Variants in EPPIN observed in about 807,000 individuals in gnomAD.
EPPIN encodes the protein epididymal peptidase inhibitor, also known as WAP four-disulfide core domain protein 7.
Under a neutral mutation model 18.8 loss-of-function variants are expected in EPPIN, and 14 were observed. That is an observed-to-expected ratio of 0.75 (90% confidence interval 0.49 to 1.17). The LOEUF (loss-of-function observed/expected upper bound fraction) is 1.17. Ranked by LOEUF, EPPIN falls within the 50% of genes most tolerant of loss-of-function variation. EPPIN has a pLI of 0.00. For missense variants in EPPIN, 143 were observed against 154.2 expected, an observed-to-expected ratio of 0.93 and a Z score of 0.39; for synonymous variants, 57 against 54.8, an observed-to-expected ratio of 1.04 and a Z score of -0.18.
At chr20:45,545,492 G>T in intron 2 of EPPIN, 147 bp downstream of exon 2, 1 of 1,379,500 alleles carries the variant, frequency 7.2e-7, no homozygotes, top group Non-Finnish European at 1.0e-6. Flanking sequence ...ATTTGGCACA[G>T]TAATGAATCT....
intron 2 of EPPIN, 157 bp downstream of exon 2, chr20:45,545,482 A>G: frequency 7.8e-7 from 1 of 1,278,106 alleles, no homozygotes; most frequent in East Asian, 2.4e-5. Context: ...CACACACCAT[A>G]TTTGGCACAG....
chr20:45,545,321 C>T (rs1275471611), intron 2 of EPPIN: 3 of 360,382 alleles, frequency 8.3e-6, no homozygotes, highest in African/African-American at 2.1e-5. Context: ...GTTAGGGCAA[C>T]GATGGCCACC....
At chr20:45,542,551 G>T (rs1979641106) in intron 3 of EPPIN, 149 bp downstream of exon 3, 3 of 1,203,040 alleles carry the variant, frequency 2.5e-6, no homozygotes, top group Admixed American at 2.6e-5. Flanking sequence ...CTTGCCTTTT[G>T]CCAGGTGCAT....
Position 45,542,859 on chromosome 20 carries a change from C to G in EPPIN, c.232G>C (p.Glu78Gln). The G allele has an allele frequency of 6.2e-7, 1 of 1,612,848 alleles. No individual in the cohort carries two copies. Among genetic ancestry groups the G allele is most frequent in the Non-Finnish European group, 8.5e-7 (1 of 1,179,398 alleles). ...CAGGGGCCAGTTTCTTTTGGCATTTCGCATACATCTGCAGAGAGACTCCAG... is the reference window on the plus strand; with the variant it reads ...CAGGGGCCAGTTTCTTTTGGCATTTGGCATACATCTGCAGAGAGACTCCAG... ...KCLDLKQDVC[E>Q]MPKETGPCLA... The change falls in exon 3 of 4, where the codon GAA becomes CAA. Residue 78 changes from glutamate (E) to glutamine (Q), a missense_variant. By Grantham distance (29) the Glu-to-Gln change is conservative. Coordinates refer to ENST00000354280, the MANE Select transcript of EPPIN (RefSeq NM_020398.4).
At chr20:45,543,748 T>C (rs1447775743) in intron 2 of EPPIN, 5 of 152,416 alleles carry the variant, frequency 3.3e-5, no homozygotes, top group African/African-American at 1.2e-4. Context: ...TCTATGACAA[T>C]GTCCTCCCAT....
chr20:45,547,248 G>C lies in EPPIN; in HGVS notation c.91+19C>G, dbSNP rs781677565. 6.2e-7 allele frequency: 1 copy of C among 1,613,640 alleles called. No homozygotes were observed. The highest frequency in any genetic ancestry group is 8.5e-7 in the Non-Finnish European group (1 of 1,179,758). ...CAAACTCCCCTCTCTCTAGGGTAAG[G>C]GCTGAGGCCAATACTTACTGGGAAA... On this transcript the variant is annotated intron_variant, in intron 1 of 3. Coordinates refer to ENST00000354280, the MANE Select transcript of EPPIN (RefSeq NM_020398.4).
At chr20:45,542,294 C>T in intron 3 of EPPIN, 140 bp from the exon 4 acceptor site, 1 of 1,071,894 alleles carries the variant, frequency 9.3e-7, no homozygotes, top group South Asian at 1.6e-5. Context: ...CCATCTCCTT[C>T]AAGGAAAAAC....
rs1979651861 is a variant in EPPIN at position 45,542,735 on chromosome 20, G to A, written c.356C>T (p.Ser119Phe). ...GCAGGTGTTCAGGCAGTTGGCTTTGGATTGGAAGTTGTTATTGTTTCCCTG... is the reference window on the plus strand; with the variant it reads ...GCAGGTGTTCAGGCAGTTGGCTTTGAATTGGAAGTTGTTATTGTTTCCCTG... Reference protein sequence around the residue: ...GCQGNNNNFQSKANCLNTCKN... With the variant: ...GCQGNNNNFQFKANCLNTCKN... Residue 119 changes from serine (S) to phenylalanine (F), a missense_variant, in exon 3 of 4, where the codon TCC becomes TTC. By Grantham distance (155) the Ser-to-Phe change is radical. Transcript: ENST00000354280. The A allele has an allele frequency of 6.2e-7, 1 of 1,613,956 alleles. No individual in the cohort carries two copies. Among genetic ancestry groups the A allele is most frequent in the East Asian group, 2.2e-5 (1 of 44,876 alleles).
chr20:45,547,122 G>T (rs1979865837), intron 1 of EPPIN, 145 bp downstream of exon 1: 1 of 1,162,698 alleles, frequency 8.6e-7, no homozygotes, highest in Non-Finnish European at 1.2e-6. Context: ...ACACAGGAGG[G>T]ATCTTACAAA....
At position 45,540,960 on chromosome 20, in the gene EPPIN, C is replaced by G. The variant is rs935718211; in HGVS notation, c.*1184G>C. 3 of 152,178 alleles carry G rather than the reference C, an allele frequency of 2.0e-5. No individual in the cohort carries two copies. The highest frequency in any genetic ancestry group is 4.4e-5 in the Non-Finnish European group (3 of 68,030). The allele number at this position is 152,178 out of a possible 1,614,324, so 9.4% of individuals were successfully genotyped here. On this transcript the variant is annotated 3_prime_UTR_variant, in exon 4 of 4. Transcript: ENST00000354280. ...TATAAATCATTCTTTTATAAAGATA[C>G]ATGCATGTGTATGTTCACTGCAGCA...
chr20:45,543,048 G>T, intron 2 of EPPIN, 181 bp from the exon 3 acceptor site: 2 of 966,316 alleles, frequency 2.1e-6, no homozygotes, highest in Non-Finnish European at 2.9e-6. Flanking sequence ...CCCAGAGTGG[G>T]CATCTGCATC....
At chr20:45,545,819 C>G (rs760395694) in intron 1 of EPPIN, 49 bp from the exon 2 acceptor site, 2 of 1,598,592 alleles carry the variant, frequency 1.3e-6, no homozygotes, top group South Asian at 2.2e-5. Context: ...AGCATAGTGT[C>G]TCCCCACTTT....
rs2145547695 is a variant in EPPIN at position 45,541,115 on chromosome 20, G to T, written c.*1029C>A. 1.3e-5 allele frequency: 2 copies of T among 152,326 alleles called. No homozygotes were observed. Among genetic ancestry groups the T allele is most frequent in the East Asian group, 3.9e-4 (2 of 5,182 alleles). 9.4% of individuals were successfully genotyped at this position (152,326 alleles called of 1,614,324 possible). On this transcript the variant is annotated 3_prime_UTR_variant, in exon 4 of 4. Transcript: ENST00000354280. Reference sequence around the variant, plus strand: ...AAAAAGAAATGAGATCACGTCCTTTGCAGGGACATGGATGAAGCTGGAAGC... The same window carrying T: ...AAAAAGAAATGAGATCACGTCCTTTTCAGGGACATGGATGAAGCTGGAAGC...
rs1182802739 is a variant in EPPIN at position 45,541,297 on chromosome 20, AG to A, written c.*846del. On this transcript the variant is annotated 3_prime_UTR_variant, in exon 4 of 4. Transcript: ENST00000354280. ...CTAATGCATGCGGGGCTTAATACCC[AG>A]GTAATGGGTTGATAGGTGCAGCAAA... 1 of 152,208 alleles carries A rather than the reference AG, an allele frequency of 6.6e-6. No individual in the cohort carries two copies. Among genetic ancestry groups the A allele is most frequent in the African/African-American group, 2.4e-5 (1 of 41,446 alleles). 9.4% of individuals were successfully genotyped at this position (152,208 alleles called of 1,614,324 possible).
intron 1 of EPPIN, chr20:45,546,270 G>A (rs75653982): frequency 1.4e-3 from 228 of 163,532 alleles, no homozygotes; most frequent in African/African-American, 5.1e-3. Context: ...CCTCTAGGTG[G>A]TAGTATTATA....
At chr20:45,547,228 T>A (rs755310294) in intron 1 of EPPIN, 39 bp downstream of exon 1, 24 of 1,612,290 alleles carry the variant, frequency 1.5e-5, no homozygotes, top group Non-Finnish European at 1.7e-6. Context: ...CCCAGCAAAC[T>A]CCCCTCTCTC....
chr20:45,543,787 C>T (rs1159912407), intron 2 of EPPIN: 1 of 152,804 alleles, frequency 6.5e-6, no homozygotes, highest in Non-Finnish European at 1.5e-5. Context: ...TTGTCTGGCT[C>T]CTACTGTGAC....
chr20:45,545,982 C>G lies in EPPIN; in HGVS notation c.92-212G>C, dbSNP rs190386048. 4.7e-6 allele frequency: 3 copies of G among 643,216 alleles called. No homozygotes were observed. The Admixed American group carries it at 9.3e-5, about 20-fold the overall frequency. 39.8% of individuals were successfully genotyped at this position (643,216 alleles called of 1,614,324 possible). The stretch of plus-strand genomic sequence containing the variant: ...ACCTCTCCTCCCTCTATTCCCACCC[C>G]CCAGCTCCATCCCATCTAAGGCAGA... On this transcript the variant is annotated intron_variant, in intron 1 of 3. Coordinates refer to ENST00000354280, the MANE Select transcript of EPPIN (RefSeq NM_020398.4).
intron 2 of EPPIN, chr20:45,543,766 A>AT (rs1455366085): frequency 6.6e-6 from 1 of 152,466 alleles, no homozygotes; most frequent in Non-Finnish European, 1.5e-5. Flanking sequence ...CATGACCCAC[A>AT]AGGCCCTTCA....
Sources: allele counts gnomAD v4.1 joint callset, GRCh38; gene constraint gnomAD v4.1.1; transcripts MANE v1.5; gene names NCBI Gene and HGNC (gene_info 2026-07-23, HGNC 2026-07-21).